SEMA3E: variants seen among roughly 807,000 people sequenced by gnomAD.
SEMA3E encodes semaphorin-3E.
Under a neutral mutation model 93.6 loss-of-function variants are expected in SEMA3E, and 49 were observed. That is an observed-to-expected ratio of 0.52 (90% CI 0.42 to 0.66). The LOEUF (loss-of-function observed/expected upper bound fraction) is 0.66, where lower values mean the gene tolerates loss of function less well. SEMA3E is among the 30% of genes least tolerant of loss of function. The pLI is 0.00. For synonymous variants in SEMA3E, 363 were observed against 330.7 expected, an observed-to-expected ratio of 1.10 and a Z score of -1.06; for missense variants, 906 against 964.8, an observed-to-expected ratio of 0.94 and a Z score of 0.81.
chr7:83,368,810 T>C (rs1184289246), intron 16 of SEMA3E, among the ~76,000 whole-genome samples: 3 of 152,198 alleles, frequency 2.0e-5, no homozygotes, highest in African/African-American at 4.8e-5. Flanking sequence ...GATAAGGCTT[T>C]CAACGAATAG....
intron 1 of SEMA3E, among the ~76,000 whole-genome samples, chr7:83,565,582 T>A (rs1792130183): frequency 6.6e-6 from 1 of 152,156 alleles, no homozygotes; most frequent in Non-Finnish European, 1.5e-5. Flanking sequence ...TAATAGCAAA[T>A]GTATGAAGAT....
In SEMA3E at chr7:83,400,071, C is replaced by G. The variant is rs1447866157; in HGVS notation, c.1323G>C (p.Val441=). 6.2e-7 allele frequency: 1 copy of G among 1,614,014 alleles called. No homozygotes were observed. The stretch of plus-strand genomic sequence containing the variant: ...CGTCATATTGGCCATCCTCAGCTTC[C>G]ACTCGATCTACTGCTATTTGTTTCA... The part of the protein sequence containing the change: ...YNLKQIAVDR[V]EAEDGQYDVL... The change falls in exon 11 of 17, where the codon GTG becomes GTC. Residue 441 remains valine, a synonymous_variant. Coordinates refer to ENST00000643230, the MANE Select transcript of SEMA3E (RefSeq NM_012431.3).
At chr7:83,463,261 C>T (rs375043751) in intron 4 of SEMA3E, among the ~76,000 whole-genome samples, 10 of 151,934 alleles carry the variant, frequency 6.6e-5, no homozygotes, top group African/African-American at 2.4e-4. Flanking sequence ...GCCTTTATGT[C>T]CAAACAACTT....
chr7:83,431,947 G>A (rs1412458205), intron 4 of SEMA3E, among the ~76,000 whole-genome samples: 1 of 134,438 alleles, frequency 7.4e-6, no homozygotes, highest in African/African-American at 2.8e-5. Context: ...ATTAATTGGT[G>A]ACTTTTTTTT....
intron 1 of SEMA3E, among the ~76,000 whole-genome samples, chr7:83,516,210 G>A (rs149150633): frequency 1.2e-3 from 181 of 152,094 alleles, no homozygotes; most frequent in African/African-American, 4.0e-3. Flanking sequence ...TTTATATACT[G>A]GACTAATTTC....
chr7:83,634,276 G>T (rs1022587846), intron 1 of SEMA3E, among the ~76,000 whole-genome samples: 1 of 152,142 alleles, frequency 6.6e-6, no homozygotes, highest in Admixed American at 6.6e-5. Flanking sequence ...GTTTCTGAGT[G>T]ATAACTGCTT....
intron 4 of SEMA3E, among the ~76,000 whole-genome samples, chr7:83,425,866 T>C (rs1183092317): frequency 6.6e-6 from 1 of 152,136 alleles, no homozygotes; most frequent in Non-Finnish European, 1.5e-5. Flanking sequence ...ATCCAGAATC[T>C]ATAAGGAACT....
chr7:83,535,558 A>C (rs968939929), intron 1 of SEMA3E, among the ~76,000 whole-genome samples: 39 of 152,254 alleles, frequency 2.6e-4, no homozygotes, highest in South Asian at 2.1e-4. Context: ...CAAAGACAGC[A>C]TTAAAGAACC....
Position 83,469,124 on chromosome 7 carries a change from T to C in SEMA3E, c.336+119A>G, listed in dbSNP as rs564946773. The C allele has an allele frequency of 3.9e-6, 3 of 770,820 alleles. No individual in the cohort carries two copies. The African/African-American group carries it at 5.2e-5, about 13-fold the overall frequency. The allele number at this position is 770,820 out of a possible 1,614,324, so 47.7% of individuals were successfully genotyped here. Reference sequence around the variant, plus strand: ...TATATGCCTATATATTTTTTCTTCATGAACCAAATTGCATACATACTTTTA... The same window carrying C: ...TATATGCCTATATATTTTTTCTTCACGAACCAAATTGCATACATACTTTTA... On this transcript the variant is annotated intron_variant, in intron 3 of 16. Transcript: ENST00000643230.
At chr7:83,470,359 C>A (rs1789866209) in intron 2 of SEMA3E, among the ~76,000 whole-genome samples, 1 of 151,632 alleles carries the variant, frequency 6.6e-6, no homozygotes, top group Non-Finnish European at 1.5e-5. Context: ...ACTTTCTTTC[C>A]TTTTCTTTTC....
At chr7:83,423,764 G>A (rs987740778) in intron 4 of SEMA3E, among the ~76,000 whole-genome samples, 3 of 151,638 alleles carry the variant, frequency 2.0e-5, no homozygotes, top group African/African-American at 7.3e-5. Context: ...CCCTGCCTTG[G>A]CCTCCCAAAG....
At position 83,478,273 on chromosome 7, in the gene SEMA3E, T is replaced by G. The variant is rs140914683; in HGVS notation, c.277-8971A>C. On this transcript the variant is annotated intron_variant, in intron 2 of 16. Transcript: ENST00000643230. Reference sequence around the variant, plus strand: ...TGAGAATAATTTTAGAAAAACAAGCTGAAATTTAGAAAGATAAAAACTATA... The same window carrying G: ...TGAGAATAATTTTAGAAAAACAAGCGGAAATTTAGAAAGATAAAAACTATA... Among the ~76,000 whole-genome samples, 574 of 152,228 alleles carry G rather than the reference T, an allele frequency of 3.8e-3. 5 individuals are homozygous for G. Among genetic ancestry groups the G allele is most frequent in the African/African-American group, 0.013 (541 of 41,536 alleles).
intron 1 of SEMA3E, among the ~76,000 whole-genome samples, chr7:83,570,552 C>CAAAAAAAAAAAAACAAAAAAAAAAACA (rs1792261704): frequency 1.2e-4 from 4 of 33,082 alleles, no homozygotes; most frequent in African/African-American, 6.9e-4. Flanking sequence ...GACTCCGTCT[C>CAAAAAAAAAAAAACAAAAAAAAAAACA]AAAAAAAAAA....
chr7:83,390,152 T>C (rs1360492870), intron 14 of SEMA3E, among the ~76,000 whole-genome samples: 288 of 25,198 alleles, frequency 0.011, 3 homozygotes, highest in African/African-American at 0.032. Context: ...CGCGTATACG[T>C]GTGCACATAT....
At chr7:83,642,286 C>G (rs2371872) in intron 1 of SEMA3E, among the ~76,000 whole-genome samples, 11,742 of 152,112 alleles carry the variant, frequency 0.077, 603 homozygotes, top group Non-Finnish European at 0.11. Flanking sequence ...CAAAGGAGCC[C>G]TATGGTTAGA....
At chr7:83,408,739 T>C (rs765129796) in intron 5 of SEMA3E, among the ~76,000 whole-genome samples, 1 of 152,154 alleles carries the variant, frequency 6.6e-6, no homozygotes, top group Non-Finnish European at 1.5e-5. Flanking sequence ...AGAAAAGTAA[T>C]TGCATTCAGT....
intron 1 of SEMA3E, among the ~76,000 whole-genome samples, chr7:83,538,060 T>A (rs550287228): frequency 5.7e-4 from 87 of 152,298 alleles, no homozygotes; most frequent in Non-Finnish European, 1.1e-3. Flanking sequence ...CATGTACTCA[T>A]TTCATTGTAT....
chr7:83,486,488 G>A (rs1790258964), intron 2 of SEMA3E, among the ~76,000 whole-genome samples: 1 of 151,980 alleles, frequency 6.6e-6, no homozygotes, highest in African/African-American at 2.4e-5. Flanking sequence ...AGGAGAGCTG[G>A]GCCCCAAAGC....
intron 12 of SEMA3E, among the ~76,000 whole-genome samples, chr7:83,394,975 A>G (rs1788093786): frequency 6.6e-6 from 1 of 152,220 alleles, no homozygotes; most frequent in Non-Finnish European, 1.5e-5. Flanking sequence ...TCAGCTGTGC[A>G]AGTGGAAAAC....
Sources: allele counts gnomAD v4.1 joint callset (sites outside exome capture counted in the v4.1 genomes callset), GRCh38; gene constraint gnomAD v4.1.1; transcripts MANE v1.5; gene names NCBI Gene and HGNC (gene_info 2026-07-23, HGNC 2026-07-21).